Variants in ADSS2 observed in about 807,000 individuals in gnomAD.
ADSS2 encodes the protein adenylosuccinate synthetase isozyme 2.
ADSS2 carries 30 observed loss-of-function variants against 60.0 expected under a neutral mutation model. That is an observed-to-expected ratio of 0.50 (90% CI 0.37 to 0.68). The LOEUF (loss-of-function observed/expected upper bound fraction) is 0.68, where lower values mean the gene tolerates loss of function less well. Ranked by LOEUF, ADSS2 falls within the 30% of genes least tolerant of loss-of-function variation. The pLI, the probability that ADSS2 is intolerant of heterozygous loss-of-function variation, is 0.00. For synonymous variants in ADSS2, 187 were observed against 193.1 expected (o/e 0.97, Z 0.26); for missense variants, 373 against 554.8 (o/e 0.67, Z 3.29).
intron 10 of ADSS2, among the ~76,000 whole-genome samples, chr1:244,416,323 T>G (rs1477953339): frequency 6.6e-6 from 1 of 152,208 alleles, no homozygotes; most frequent in African/African-American, 2.4e-5. Context: ...TAGCTTTCTT[T>G]TTTGATCGTT....
At chr1:244,440,523 C>G (rs1280884056) in intron 1 of ADSS2, among the ~76,000 whole-genome samples, 1 of 152,150 alleles carries the variant, frequency 6.6e-6, no homozygotes, top group East Asian at 1.9e-4. Context: ...TGGGCAACAC[C>G]TTCAAGTGAT....
rs1185835299 is a variant in ADSS2 at position 244,451,855 on chromosome 1, G to A, written c.-38C>T. ...GCGAGGAGAGCCCGAAGGAGAGGCG[G>A]CCGGCGAGGAGTGAGCGAACTGAAC... On this transcript the variant is annotated 5_prime_UTR_variant, in exon 1 of 13. Transcript: ENST00000366535. The surrounding 1 kb of genome is among the most constrained non-coding windows in gnomAD (Gnocchi z 6.6). The A allele has an allele frequency of 9.2e-6, 14 of 1,518,508 alleles. No homozygotes were observed. The highest frequency in any genetic ancestry group is 1.1e-5 in the Non-Finnish European group (12 of 1,135,628). The allele number at this position is 1,518,508 out of a possible 1,614,324, so 94.1% of individuals were successfully genotyped here.
intron 4 of ADSS2, among the ~76,000 whole-genome samples, chr1:244,428,403 AAAT>A (rs1664856172): frequency 6.6e-6 from 1 of 152,184 alleles, no homozygotes; most frequent in Non-Finnish European, 1.5e-5. Context: ...ATGATTGTAA[AAAT>A]AATATTTGCG....
chr1:244,425,164 G>A (rs766488104), intron 4 of ADSS2, among the ~76,000 whole-genome samples: 3 of 152,178 alleles, frequency 2.0e-5, no homozygotes, highest in African/African-American at 2.4e-5. Flanking sequence ...GATTTCCGGT[G>A]CAAACATGTC....
chr1:244,441,429 T>G (rs1410413696), intron 1 of ADSS2, among the ~76,000 whole-genome samples: 1 of 152,232 alleles, frequency 6.6e-6, no homozygotes, highest in East Asian at 1.9e-4. Context: ...TAAAAATTAC[T>G]AAGTTTAATG....
intron 10 of ADSS2, among the ~76,000 whole-genome samples, chr1:244,416,753 T>C (rs960376889): frequency 2.6e-5 from 4 of 152,188 alleles, no homozygotes; most frequent in African/African-American, 4.8e-5. Context: ...CATGTACATT[T>C]ACACACATGC....
In ADSS2 at chr1:244,420,251, A is replaced by G; in HGVS notation, c.709T>C (p.Phe237Leu). Residue 237 changes from phenylalanine (F) to leucine (L), a missense_variant, in exon 8 of 13, where the codon TTT becomes CTT. Transcript: ENST00000366535. ...GGTCCATGTAGGGCCTCATATAGAA[A>G]ATAAACTCCATCTCTCACCATTGGT... ...IKPMVRDGVY[F>L]LYEALHGPPK... is the part of the protein sequence containing the mutation. 2 of 1,613,742 alleles carry G rather than the reference A, an allele frequency of 1.2e-6. No individual in the cohort carries two copies. Among genetic ancestry groups the G allele is most frequent in the Non-Finnish European group, 1.7e-6 (2 of 1,179,782 alleles).
chr1:244,436,976 G>A, intron 2 of ADSS2, 83 bp from the exon 3 acceptor site: 2 of 1,133,002 alleles, frequency 1.8e-6, no homozygotes, highest in Non-Finnish European at 1.3e-6. Flanking sequence ...ATTTACCACG[G>A]TGTTACCACA....
chr1:244,429,738 C>T (rs967861792), intron 4 of ADSS2, among the ~76,000 whole-genome samples: 4 of 151,888 alleles, frequency 2.6e-5, no homozygotes, highest in South Asian at 2.1e-4. Flanking sequence ...AAAAATAAGC[C>T]GGGCATGGTG....
intron 1 of ADSS2, among the ~76,000 whole-genome samples, chr1:244,448,234 T>C (rs1665442787): frequency 6.6e-6 from 1 of 152,212 alleles, no homozygotes; most frequent in African/African-American, 2.4e-5. Flanking sequence ...TTCTTTTAAA[T>C]TATCTTTCAC....
At chr1:244,412,998 T>G (rs538836067) in intron 11 of ADSS2, among the ~76,000 whole-genome samples, 2 of 152,138 alleles carry the variant, frequency 1.3e-5, no homozygotes, top group African/African-American at 2.4e-5. Context: ...CAGGTCCCAG[T>G]GTAACCTGGC....
At chr1:244,437,522 C>T in intron 2 of ADSS2, 144 bp downstream of exon 2, 1 of 636,192 alleles carries the variant, frequency 1.6e-6, no homozygotes, top group Non-Finnish European at 2.8e-6. Flanking sequence ...CATGTATATT[C>T]CAGAAGGTAT....
chr1:244,448,946 A>G (rs962511937), intron 1 of ADSS2, among the ~76,000 whole-genome samples: 7 of 152,136 alleles, frequency 4.6e-5, no homozygotes, highest in African/African-American at 1.7e-4. Flanking sequence ...TGTTTACTAG[A>G]TGAATGACCT....
At chr1:244,417,040 T>C (rs1664549864) in intron 10 of ADSS2, among the ~76,000 whole-genome samples, 1 of 152,232 alleles carries the variant, frequency 6.6e-6, no homozygotes. Flanking sequence ...TACCTATTCA[T>C]GTATACGTAT....
At chr1:244,431,937 C>T (rs985833808) in intron 4 of ADSS2, among the ~76,000 whole-genome samples, 1 of 152,210 alleles carries the variant, frequency 6.6e-6, no homozygotes, top group Non-Finnish European at 1.5e-5. Context: ...ACAGGACACA[C>T]GCATACTTAA....
intron 11 of ADSS2, among the ~76,000 whole-genome samples, chr1:244,413,470 A>G (rs1159047606): frequency 6.6e-6 from 1 of 152,240 alleles, no homozygotes; most frequent in Non-Finnish European, 1.5e-5. Flanking sequence ...AAGCAAGTCC[A>G]GAAGCCACCC....
chr1:244,449,500 A>G (rs1665478110), intron 1 of ADSS2, among the ~76,000 whole-genome samples: 1 of 152,264 alleles, frequency 6.6e-6, no homozygotes. Context: ...ACACTCACTA[A>G]GAACTTCAAC....
In ADSS2 at chr1:244,411,436, G is replaced by T; in HGVS notation, c.1169C>A (p.Ala390Glu). 1 of 1,607,186 alleles carries T rather than the reference G, an allele frequency of 6.2e-7. No individual in the cohort carries two copies. The change falls in exon 12 of 13, where the codon GCA becomes GAA. Residue 390 changes from alanine (A) to glutamate (E), a missense_variant and splice_region_variant. Transcript: ENST00000366535. ...AACTTTATTTAAGACTTCTTGGTTT[G>T]CTAAAAGTTAAAGAGGACATTTATT... ...LDGEIIPHIPANQEVLNKVEV... is the reference protein window; with the variant it reads ...LDGEIIPHIPENQEVLNKVEV...
Position 244,409,402 on chromosome 1 carries a change from G to A in ADSS2, c.*184C>T. 8.8e-6 allele frequency: 4 copies of A among 456,650 alleles called. No homozygotes were observed. In the South Asian group the frequency reaches 1.8e-4, roughly 20 times the overall value. The allele number at this position is 456,650 out of a possible 1,614,324, so 28.3% of individuals were successfully genotyped here. A position where few individuals can be genotyped will look rare whatever the true frequency, so the allele number is the denominator to read the frequency against. On this transcript the variant is annotated 3_prime_UTR_variant, in exon 13 of 13. Transcript: ENST00000366535. ...TTGGCAATTCCAGCTAAAGAAAGCT[G>A]ACACTGGAATATGCCAAAGTTAATC...
Sources: allele counts gnomAD v4.1 joint callset (sites outside exome capture counted in the v4.1 genomes callset), GRCh38; gene constraint gnomAD v4.1.1; non-coding constraint Gnocchi (gnomAD v3.1); transcripts MANE v1.5; gene names NCBI Gene and HGNC (gene_info 2026-07-23, HGNC 2026-07-21).